Variants in GRM1 observed in about 807,000 individuals in gnomAD.
GRM1 encodes the protein glutamate metabotropic receptor 1, also known as metabotropic glutamate receptor 1.
In GRM1, 33 loss-of-function variants were observed where a neutral mutation model predicts 90.9. The observed-to-expected ratio is 0.36, with a 90% CI of 0.28 to 0.49. The LOEUF (loss-of-function observed/expected upper bound fraction) is 0.49, where lower values mean the gene tolerates loss of function less well. Ranked by LOEUF, GRM1 falls within the 20% of genes least tolerant of loss-of-function variation. The pLI, the probability that GRM1 is intolerant of heterozygous loss-of-function variation, is 0.99. For missense variants in GRM1, 1,190 were observed against 1,534.3 expected (o/e 0.78, Z 3.75); for synonymous variants, 700 against 613.2 (o/e 1.14, Z -2.09).
intron 2 of GRM1, among the ~76,000 whole-genome samples, chr6:146,299,784 C>G (rs1345840531): frequency 1.3e-5 from 2 of 152,132 alleles, no homozygotes; most frequent in Admixed American, 6.6e-5. Context: ...ACCCTGGCCT[C>G]CCTAGCTTTG....
chr6:146,422,215 C>G (rs970381272), intron 7 of GRM1, among the ~76,000 whole-genome samples: 4 of 152,134 alleles, frequency 2.6e-5, no homozygotes, highest in African/African-American at 9.7e-5. Context: ...CTGTGTGCCT[C>G]ACCTGTTCCT....
At chr6:146,331,609 C>T (rs566470674) in intron 3 of GRM1, among the ~76,000 whole-genome samples, 1 of 152,178 alleles carries the variant, frequency 6.6e-6, no homozygotes, top group South Asian at 2.1e-4. Flanking sequence ...AGGAAACAAA[C>T]AGAGTTAATT....
At position 146,135,853 on chromosome 6, in the gene GRM1, G is replaced by A. The variant is rs182647003; in HGVS notation, c.701-23495G>A. 2.2e-3 allele frequency among the ~76,000 whole-genome samples: 339 copies of A among 152,048 alleles called. 3 individuals carry two copies. The highest frequency in any genetic ancestry group is 7.5e-3 in the African/African-American group (309 of 41,438). Reference sequence around the variant, plus strand: ...AATTATTATTAACTGTAATCACCTTGTTATCAAATACTGGATCTCATTCAT... The same window carrying A: ...AATTATTATTAACTGTAATCACCTTATTATCAAATACTGGATCTCATTCAT... On this transcript the variant is annotated intron_variant, in intron 1 of 7. Coordinates refer to ENST00000282753, the MANE Select transcript of GRM1 (RefSeq NM_001278064.2).
intron 1 of GRM1, among the ~76,000 whole-genome samples, chr6:146,153,574 T>A (rs1777415404): frequency 6.6e-6 from 1 of 152,172 alleles, no homozygotes; most frequent in South Asian, 2.1e-4. Flanking sequence ...AGTTAAGAAT[T>A]GCTGTTCAGA....
chr6:146,098,466 T>A (rs1232104982), intron 1 of GRM1, among the ~76,000 whole-genome samples: 2 of 152,166 alleles, frequency 1.3e-5, no homozygotes, highest in African/African-American at 2.4e-5. Flanking sequence ...TCTTTTTTTT[T>A]AGGTATGGTC....
chr6:146,049,080 A>G (rs1791433743), intron 1 of GRM1, among the ~76,000 whole-genome samples: 1 of 151,862 alleles, frequency 6.6e-6, no homozygotes, highest in South Asian at 2.1e-4. Context: ...TCACGGTGCA[A>G]CTGATGCTCA....
chr6:146,118,662 A>G (rs1775858304), intron 1 of GRM1, among the ~76,000 whole-genome samples: 1 of 152,146 alleles, frequency 6.6e-6, no homozygotes, highest in Non-Finnish European at 1.5e-5. Context: ...TCATTGTTCA[A>G]TTCCCACCTA....
intron 2 of GRM1, among the ~76,000 whole-genome samples, chr6:146,226,898 T>C (rs1176507196): frequency 6.6e-6 from 1 of 152,126 alleles, no homozygotes; most frequent in African/African-American, 2.4e-5. Flanking sequence ...TTTGCTCTTT[T>C]CTTCAAGATT....
intron 2 of GRM1, among the ~76,000 whole-genome samples, chr6:146,284,966 T>G (rs941287068): frequency 1.3e-5 from 2 of 152,172 alleles, no homozygotes; most frequent in African/African-American, 4.8e-5. Context: ...ATGCACAAAT[T>G]CTAGTTCCAA....
At chr6:146,092,006 T>G (rs528842450) in intron 1 of GRM1, among the ~76,000 whole-genome samples, 75 of 152,254 alleles carry the variant, frequency 4.9e-4, no homozygotes, top group African/African-American at 1.8e-3. Flanking sequence ...GAATTTTTCT[T>G]TGAAATAATT....
At chr6:146,215,154 C>T (rs575893411) in intron 2 of GRM1, among the ~76,000 whole-genome samples, 1 of 152,274 alleles carries the variant, frequency 6.6e-6, no homozygotes. Flanking sequence ...CCATTTTTGC[C>T]TTTAAATAGT....
At chr6:146,302,378 CT>C (rs1222086596) in intron 2 of GRM1, among the ~76,000 whole-genome samples, 87 of 141,164 alleles carry the variant, frequency 6.2e-4, no homozygotes, top group Middle Eastern at 3.5e-3. Flanking sequence ...ATACTGGTCA[CT>C]TTTTTTTTTT....
chr6:146,416,798 C>T (rs1362303223), intron 7 of GRM1, among the ~76,000 whole-genome samples: 2 of 152,102 alleles, frequency 1.3e-5, no homozygotes, highest in Non-Finnish European at 2.9e-5. Flanking sequence ...ACCTCTAATC[C>T]TTTGAAAGTC....
intron 3 of GRM1, among the ~76,000 whole-genome samples, chr6:146,319,967 G>C (rs968551614): frequency 6.6e-5 from 10 of 152,092 alleles, no homozygotes; most frequent in Middle Eastern, 3.4e-3. Context: ...TCTTTCTCTT[G>C]CCTTATTGCC....
intron 1 of GRM1, among the ~76,000 whole-genome samples, chr6:146,104,264 C>A (rs1156496552): frequency 2.0e-5 from 3 of 152,160 alleles, no homozygotes; most frequent in Non-Finnish European, 1.5e-5. Flanking sequence ...CACGGTGAAA[C>A]CCCGTCTCTA....
intron 2 of GRM1, among the ~76,000 whole-genome samples, chr6:146,271,356 A>G (rs192649337): frequency 5.1e-4 from 77 of 152,194 alleles, no homozygotes; most frequent in African/African-American, 1.7e-3. Context: ...AGAGGTTGCC[A>G]GGGCTCCCTG....
intron 1 of GRM1, among the ~76,000 whole-genome samples, chr6:146,054,949 G>A (rs1775426555): frequency 6.6e-6 from 1 of 151,956 alleles, no homozygotes; most frequent in African/African-American, 2.4e-5. Flanking sequence ...AGTGATGGGT[G>A]CGGGTAATAA....
At chr6:146,130,183 T>C (rs941456154) in intron 1 of GRM1, among the ~76,000 whole-genome samples, 2 of 152,170 alleles carry the variant, frequency 1.3e-5, no homozygotes, top group Non-Finnish European at 2.9e-5. Flanking sequence ...TTTACTTTTA[T>C]TCCCACTGTT....
At chr6:146,197,517 A>G (rs2206516) in intron 2 of GRM1, among the ~76,000 whole-genome samples, 33,046 of 152,170 alleles carry the variant, frequency 0.22, 7,375 homozygotes, top group African/African-American at 0.57. Flanking sequence ...GGGTTTACCA[A>G]TGCATCCAGC....
Sources: allele counts gnomAD v4.1 joint callset (sites outside exome capture counted in the v4.1 genomes callset), GRCh38; gene constraint gnomAD v4.1.1; transcripts MANE v1.5; gene names NCBI Gene and HGNC (gene_info 2026-07-23, HGNC 2026-07-21).